SEMA5A: variants seen among roughly 807,000 people sequenced by gnomAD.
SEMA5A encodes the protein semaphorin-5A.
SEMA5A carries 55 observed loss-of-function variants against 135.5 expected under a neutral mutation model. The observed-to-expected ratio is 0.41, with a 90% confidence interval of 0.33 to 0.51. The LOEUF (loss-of-function observed/expected upper bound fraction) is 0.51, where lower values mean the gene tolerates loss of function less well. Ranked by LOEUF, SEMA5A falls within the 20% of genes least tolerant of loss-of-function variation. SEMA5A has a pLI of 0.37. For missense variants in SEMA5A, 1,290 were observed against 1,419.9 expected (o/e 0.91, Z 1.47); for synonymous variants, 580 against 546.5 (o/e 1.06, Z -0.85).
At chr5:9,493,250 A>AAT (rs766939290) in intron 1 of SEMA5A, among the ~76,000 whole-genome samples, 2 of 150,378 alleles carry the variant, frequency 1.3e-5, no homozygotes, top group Non-Finnish European at 3.0e-5. Context: ...TAAATATATA[A>AAT]ATATATATAC....
chr5:9,063,793 G>A (rs1737312638), intron 17 of SEMA5A, among the ~76,000 whole-genome samples: 1 of 152,228 alleles, frequency 6.6e-6, no homozygotes, highest in South Asian at 2.1e-4. Flanking sequence ...GCTGTGGGGT[G>A]AGTGGGGAGT....
intron 2 of SEMA5A, among the ~76,000 whole-genome samples, chr5:9,385,560 A>G (rs1755849157): frequency 6.6e-6 from 1 of 152,078 alleles, no homozygotes; most frequent in Non-Finnish European, 1.5e-5. Flanking sequence ...ATGGCATTAG[A>G]GACTTGCTTT....
At chr5:9,360,964 A>G (rs891581559) in intron 3 of SEMA5A, among the ~76,000 whole-genome samples, 2 of 152,200 alleles carry the variant, frequency 1.3e-5, no homozygotes, top group African/African-American at 4.8e-5. Context: ...AGTATTTTTT[A>G]GGGGCATAAC....
chr5:9,443,685 A>G (rs1383379434), intron 1 of SEMA5A, among the ~76,000 whole-genome samples: 1 of 152,228 alleles, frequency 6.6e-6, no homozygotes, highest in East Asian at 1.9e-4. Context: ...AATACCATAT[A>G]TGGTTCTCAC....
At position 9,541,654 on chromosome 5, in the gene SEMA5A, C is replaced by A. The variant is rs141782926; in HGVS notation, c.-175+3930G>T. On this transcript the variant is annotated intron_variant, in intron 1 of 22. Transcript: ENST00000382496. ...ATGTAGGAAAGGGAAATAAAGTGTG[C>A]TTGTCTTTGCTCTTGTCAAACAACC... Among the ~76,000 whole-genome samples, 869 of 152,258 alleles carry A rather than the reference C, an allele frequency of 5.7e-3. 7 individuals carry two copies. Among genetic ancestry groups the A allele is most frequent in the African/African-American group, 0.02 (826 of 41,538 alleles).
intron 3 of SEMA5A, among the ~76,000 whole-genome samples, chr5:9,355,012 A>G (rs1396001778): frequency 6.6e-6 from 1 of 152,154 alleles, no homozygotes; most frequent in African/African-American, 2.4e-5. Flanking sequence ...TTATCTTGCA[A>G]GTAGAGGTAA....
chr5:9,110,602 A>T (rs1740186997), intron 15 of SEMA5A, among the ~76,000 whole-genome samples: 1 of 152,210 alleles, frequency 6.6e-6, no homozygotes, highest in South Asian at 2.1e-4. Context: ...TCAGCCTCTT[A>T]ACTGAAAGTG....
intron 3 of SEMA5A, among the ~76,000 whole-genome samples, chr5:9,353,196 GA>G (rs763169567): frequency 1.9e-5 from 2 of 103,510 alleles, no homozygotes; most frequent in Admixed American, 2.0e-4. Flanking sequence ...GAAGGGAAAG[GA>G]AAGGAAAGGA....
intron 1 of SEMA5A, among the ~76,000 whole-genome samples, chr5:9,541,346 TTCC>T (rs1453355169): frequency 6.6e-6 from 1 of 152,208 alleles, no homozygotes; most frequent in Non-Finnish European, 1.5e-5. Context: ...CAGTGTATAC[TTCC>T]TCATTATTCT....
intron 2 of SEMA5A, among the ~76,000 whole-genome samples, chr5:9,416,908 G>A (rs1184924301): frequency 6.6e-6 from 1 of 152,164 alleles, no homozygotes; most frequent in Non-Finnish European, 1.5e-5. Flanking sequence ...TGCCAAGGTT[G>A]AAAAACTCTG....
In SEMA5A at chr5:9,066,471, A is replaced by C. The variant is rs1737471409; in HGVS notation, c.2249T>G (p.Ile750Ser). ...GTCGCTAGAACAGTACCGCATTTCG[A>C]TTCTCTGTCTTCCCACTTCCAGCAA... ...PNLLEVGRQRIEMRYCSSDGT... is the reference protein window; with the variant it reads ...PNLLEVGRQRSEMRYCSSDGT... Residue 750 changes from isoleucine (I) to serine (S), a missense_variant, in exon 17 of 23, where the codon ATC (isoleucine) becomes AGC (serine). Around this residue, in one of 3 missense-constraint regions of SEMA5A, gnomAD observed 1,029 missense variants for 1,086.6 expected, o/e 0.95. Coordinates refer to ENST00000382496, the MANE Select transcript of SEMA5A (RefSeq NM_003966.3). The C allele has an allele frequency of 6.2e-7, 1 of 1,614,196 alleles. No homozygotes were observed. The highest frequency in any genetic ancestry group is 8.5e-7 in the Non-Finnish European group (1 of 1,180,044).
intron 12 of SEMA5A, among the ~76,000 whole-genome samples, chr5:9,142,527 T>A (rs1742119556): frequency 6.6e-6 from 1 of 152,186 alleles, no homozygotes; most frequent in East Asian, 1.9e-4. Flanking sequence ...AATATTAACT[T>A]CTATTATCAT....
At chr5:9,349,117 G>C (rs1013162124) in intron 3 of SEMA5A, among the ~76,000 whole-genome samples, 4 of 152,178 alleles carry the variant, frequency 2.6e-5, no homozygotes, top group African/African-American at 9.7e-5. Flanking sequence ...GACAAGACAG[G>C]GTCATGCAAG....
chr5:9,270,024 G>A (rs578131621), intron 5 of SEMA5A, among the ~76,000 whole-genome samples: 10 of 152,204 alleles, frequency 6.6e-5, no homozygotes, highest in African/African-American at 2.4e-4. Flanking sequence ...GTTAAAAACG[G>A]CTCACTGTGC....
chr5:9,332,536 G>T lies in SEMA5A; in HGVS notation c.224+5177C>A, dbSNP rs150410051. ...CAGCTATGGGCTGGCACTCACATTGGGTCAGGTGTGCAAGGCATGCAGCTA... is the reference window on the plus strand; with the variant it reads ...CAGCTATGGGCTGGCACTCACATTGTGTCAGGTGTGCAAGGCATGCAGCTA... On this transcript the variant is annotated intron_variant, in intron 4 of 22. Coordinates refer to ENST00000382496, the MANE Select transcript of SEMA5A (RefSeq NM_003966.3). Among the ~76,000 whole-genome samples the T allele has an allele frequency of 1.3e-3, 196 of 148,190 alleles. 1 individual carries two copies. Among genetic ancestry groups the T allele is most frequent in the African/African-American group, 4.7e-3 (187 of 40,136 alleles).
intron 16 of SEMA5A, among the ~76,000 whole-genome samples, chr5:9,105,035 C>G (rs1274122319): frequency 6.6e-6 from 1 of 152,200 alleles, no homozygotes; most frequent in Non-Finnish European, 1.5e-5. Flanking sequence ...CTTTGCAGAG[C>G]AAGACAGAAG....
In SEMA5A at chr5:9,081,026, C is replaced by A. The variant is rs143578379; in HGVS notation, c.2074-14380G>T. Among the ~76,000 whole-genome samples the A allele has an allele frequency of 5.7e-3, 861 of 152,314 alleles. 4 individuals carry two copies. Among genetic ancestry groups the A allele is most frequent in the African/African-American group, 0.02 (823 of 41,556 alleles). ...TCGTACCTTACTAGAAAGAGATTTT[C>A]TTTTGCTGGCTTTGAAGAAGGAAGT... On this transcript the variant is annotated intron_variant, in intron 16 of 22. Coordinates refer to ENST00000382496, the MANE Select transcript of SEMA5A (RefSeq NM_003966.3).
chr5:9,337,589 C>T, intron 4 of SEMA5A, 124 bp downstream of exon 4: 1 of 625,606 alleles, frequency 1.6e-6, no homozygotes. Context: ...TACTGTATTT[C>T]ATTCTTATAA....
chr5:9,104,490 G>T (rs1739799233), intron 16 of SEMA5A, among the ~76,000 whole-genome samples: 1 of 151,932 alleles, frequency 6.6e-6, no homozygotes, highest in South Asian at 2.1e-4. Context: ...GTCAAAATAG[G>T]GTTAAAAGGA....
Sources: gnomAD v4.1 joint callset for allele counts (sites outside exome capture counted in the v4.1 genomes callset) on GRCh38, gnomAD v4.1.1 for gene constraint, gnomAD v4.1.1 regional missense constraint, MANE v1.5 for transcripts, NCBI Gene and HGNC (gene_info 2026-07-23, HGNC 2026-07-21) for gene names.